The following MTMR8 variants were observed in gnomAD, a reference collection of about 807,000 sequenced individuals.
The protein encoded by MTMR8 is myotubularin related protein 8, also known as phosphatidylinositol-3,5-bisphosphate 3-phosphatase MTMR8.
A neutral mutation model predicts 39.3 loss-of-function variants in MTMR8; 65 were observed. The observed-to-expected ratio is 1.65, with a 90% CI of 1.35 to 2.03. The LOEUF is 2.03. MTMR8 is among the 30% of genes most tolerant of loss of function. The pLI, the probability that MTMR8 is intolerant of heterozygous loss-of-function variation, is 0.00. For missense variants in MTMR8, 777 were observed against 538.9 expected (o/e 1.44, Z -4.37); for synonymous variants, 245 against 185.2 (o/e 1.32, Z -2.62).
intron 1 of MTMR8, among the ~76,000 whole-genome samples, chrX:64,386,011 A>T (rs1924547443): frequency 9.0e-6 from 1 of 111,083 alleles, no homozygotes; most frequent in Non-Finnish European, 1.9e-5. Context: ...ACAGATCCCC[A>T]AACGGACCAG....
chrX:64,373,172 T>A (rs760119814), intron 1 of MTMR8, among the ~76,000 whole-genome samples: 1 of 111,876 alleles, frequency 8.9e-6, no homozygotes, highest in South Asian at 3.7e-4. Flanking sequence ...ACCACATGGG[T>A]GGTTAAGTGG....
At chrX:64,395,258 G>T in intron 1 of MTMR8, 82 bp downstream of exon 1, 2 of 1,032,505 alleles carry the variant, frequency 1.9e-6, no homozygotes, top group South Asian at 3.8e-5. Context: ...GGCTGAGAAG[G>T]CTGAGGAGGT....
At chrX:64,289,530 G>T (rs893013929) in intron 12 of MTMR8, among the ~76,000 whole-genome samples, 3 of 107,446 alleles carry the variant, frequency 2.8e-5, no homozygotes, top group African/African-American at 1.0e-4. Flanking sequence ...CTAGCTACTT[G>T]GGAGGCTGAA....
intron 12 of MTMR8, among the ~76,000 whole-genome samples, chrX:64,300,857 A>C (rs1162904589): frequency 4.6e-5 from 5 of 109,627 alleles, no homozygotes; most frequent in Non-Finnish European, 9.5e-5. Flanking sequence ...GCTGGATATG[A>C]AATTCTGGGT....
intron 12 of MTMR8, among the ~76,000 whole-genome samples, chrX:64,317,875 CTTGAG>C (rs1423688831): frequency 2.7e-5 from 3 of 112,350 alleles, no homozygotes; most frequent in Non-Finnish European, 3.8e-5. Flanking sequence ...TCCACTGACA[CTTGAG>C]TTGGGGAGGT....
chrX:64,319,278 G>A (rs1353562408), intron 12 of MTMR8, among the ~76,000 whole-genome samples: 2 of 111,863 alleles, frequency 1.8e-5, no homozygotes, highest in Non-Finnish European at 1.9e-5. Flanking sequence ...CAAAAACCAG[G>A]GAAATGCTTA....
chrX:64,374,107 A>T (rs1325496824), intron 1 of MTMR8, among the ~76,000 whole-genome samples: 1 of 111,912 alleles, frequency 8.9e-6, no homozygotes, highest in African/African-American at 3.2e-5. Context: ...AATGTATGAG[A>T]CATTATAAAT....
chrX:64,287,033 G>T (rs1388809893), intron 12 of MTMR8, among the ~76,000 whole-genome samples: 6 of 111,689 alleles, frequency 5.4e-5, no homozygotes, highest in African/African-American at 1.6e-4. Flanking sequence ...GTCCCTGTTT[G>T]CAGATGACAT....
At chrX:64,300,559 G>A (rs769371415) in intron 12 of MTMR8, among the ~76,000 whole-genome samples, 2 of 106,764 alleles carry the variant, frequency 1.9e-5, no homozygotes, top group South Asian at 9.0e-4. Context: ...TTTAATTGGA[G>A]AATTTAGTCC....
chrX:64,302,434 T>C (rs1363927616), intron 12 of MTMR8, among the ~76,000 whole-genome samples: 1 of 111,867 alleles, frequency 8.9e-6, no homozygotes, highest in Non-Finnish European at 1.9e-5. Context: ...TCGCGGACGG[T>C]GCGCACACCC....
intron 12 of MTMR8, among the ~76,000 whole-genome samples, chrX:64,315,951 T>A (rs979572577): frequency 9.0e-6 from 1 of 111,632 alleles, no homozygotes; most frequent in Non-Finnish European, 1.9e-5. Flanking sequence ...TCTCTGTGTG[T>A]CCGTGTATCA....
intron 10 of MTMR8, among the ~76,000 whole-genome samples, chrX:64,333,971 C>T (rs1932919): frequency 0.054 from 6,022 of 111,651 alleles, 194 homozygotes; most frequent in Admixed American, 0.083. Flanking sequence ...TCATTCTTCA[C>T]TAGACTTTCA....
At chrX:64,361,617 A>T (rs1175283921) in intron 1 of MTMR8, among the ~76,000 whole-genome samples, 1 of 111,577 alleles carries the variant, frequency 9.0e-6, no homozygotes, top group Non-Finnish European at 1.9e-5. Flanking sequence ...AGAAGTATTT[A>T]ATATAGCTTA....
At chrX:64,388,081 G>A (rs932651176) in intron 1 of MTMR8, among the ~76,000 whole-genome samples, 11 of 111,714 alleles carry the variant, frequency 9.8e-5, no homozygotes, top group Admixed American at 8.5e-4. Flanking sequence ...TTCTAGGAAG[G>A]GAGGAAGAGA....
intron 12 of MTMR8, among the ~76,000 whole-genome samples, chrX:64,293,128 C>T (rs912625351): frequency 9.0e-6 from 1 of 111,312 alleles, no homozygotes; most frequent in Non-Finnish European, 1.9e-5. Context: ...CCAGAGGAAA[C>T]GGAATTCAAT....
intron 8 of MTMR8, among the ~76,000 whole-genome samples, chrX:64,337,916 G>A (rs991120363): frequency 9.0e-6 from 1 of 111,452 alleles, no homozygotes; most frequent in African/African-American, 3.3e-5. Flanking sequence ...ATTTAACCTG[G>A]GAAATTTTGG....
intron 1 of MTMR8, among the ~76,000 whole-genome samples, chrX:64,365,217 C>G (rs1923913132): frequency 9.0e-6 from 1 of 111,097 alleles, no homozygotes; most frequent in South Asian, 3.9e-4. Context: ...AGTCCCCAAC[C>G]TAGCAAGGGA....
chrX:64,331,447 T>C (rs1396571124), intron 11 of MTMR8, 110 bp downstream of exon 11: 7 of 639,795 alleles, frequency 1.1e-5, no homozygotes, highest in East Asian at 3.5e-5. Context: ...TTTATTATTG[T>C]TATCTCCTCC....
rs193214461 is a variant in MTMR8 at position 64,394,516 on chromosome X, C to T, written c.24+824G>A. Among the ~76,000 whole-genome samples the T allele has an allele frequency of 1.3e-4, 14 of 111,528 alleles. No homozygotes were observed. In the East Asian group the frequency reaches 3.7e-3, roughly 29 times the overall value. ...CCTGGACCACGTGTGTTATGATCAA[C>T]AGGAAAAAATAACCACAGACTAGTT... On this transcript the variant is annotated intron_variant, in intron 1 of 13. Coordinates refer to ENST00000374852, the MANE Select transcript of MTMR8 (RefSeq NM_017677.4).
Sources: gnomAD v4.1 joint callset for allele counts (sites outside exome capture counted in the v4.1 genomes callset) on GRCh38, gnomAD v4.1.1 for gene constraint, MANE v1.5 for transcripts, NCBI Gene and HGNC (gene_info 2026-07-23, HGNC 2026-07-21) for gene names.